Variants in TTLL6 observed in about 807,000 individuals in gnomAD.
TTLL6 encodes tubulin polyglutamylase TTLL6.
In TTLL6, 75 loss-of-function variants were observed where a neutral mutation model predicts 96.4. The observed-to-expected ratio is 0.78, with a 90% CI of 0.65 to 0.94. The LOEUF (loss-of-function observed/expected upper bound fraction) is 0.94, where lower values mean the gene tolerates loss of function less well. Among genes scored for constraint, TTLL6 ranks in the 40% least tolerant of loss-of-function variants. The pLI is 0.00. For missense variants in TTLL6, 1,030 were observed against 1,093.0 expected (o/e 0.94, Z 0.81); for synonymous variants, 411 against 419.4 (o/e 0.98, Z 0.24).
At position 48,785,036 on chromosome 17, in the gene TTLL6, G is replaced by GT; in HGVS notation, c.1926dup (p.Pro643ThrfsTer17). The GT allele has an allele frequency of 6.2e-7, 1 of 1,614,136 alleles. No homozygotes were observed. The highest frequency in any genetic ancestry group is 1.7e-5 in the Admixed American group (1 of 60,010). ...CTGAGATTGATATTCCTCAGATCGG[G>GT]TAGAGAACTGAAGGGCTTCGCAGAC... is the stretch of plus-strand genomic sequence containing the variant. On this transcript the variant is annotated frameshift_variant, in exon 13 of 16. Coordinates refer to ENST00000393382, the MANE Select transcript of TTLL6 (RefSeq NM_001130918.3). LOFTEE classifies it high-confidence loss of function.
At position 48,796,374 on chromosome 17, in the gene TTLL6, C is replaced by A. The variant is rs575022570; in HGVS notation, c.913-228G>T. On this transcript the variant is annotated intron_variant, in intron 7 of 15. Transcript: ENST00000393382. ...TGGTGGCTCATGCCTGTAATCCCAG[C>A]ACTCTGGGAGGCTGAGGCAGGCAGA... 2.0e-4 allele frequency among the ~76,000 whole-genome samples: 31 copies of A among 152,330 alleles called. No homozygotes were observed. In the South Asian group the frequency reaches 5.6e-3, roughly 27 times the overall value.
chr17:48,774,108 A>AAAC lies in TTLL6; in HGVS notation c.2041-4012_2041-4011insGTT, dbSNP rs1567716995. On this transcript the variant is annotated intron_variant, in intron 13 of 15. Coordinates refer to ENST00000393382, the MANE Select transcript of TTLL6 (RefSeq NM_001130918.3). ...AAAAAAAACAAAACAAAAAAAAAAA[A>AAAC]AAAACAAGAAAAGTAAAATAAATCC... Among the ~76,000 whole-genome samples, 43 of 130,492 alleles carry AAAC rather than the reference A, an allele frequency of 3.3e-4. 2 individuals are homozygous for AAAC. The highest frequency in any genetic ancestry group is 1.1e-3 in the South Asian group (5 of 4,362). 85.6% of individuals were successfully genotyped at this position (130,492 alleles called of 152,430 possible).
intron 1 of TTLL6, chr17:48,815,870 C>G (rs1290651148): frequency 6.6e-6 from 1 of 152,144 alleles, no homozygotes; most frequent in African/African-American, 2.4e-5. Flanking sequence ...TTGGAAGATG[C>G]AATATTCAGA....
At chr17:48,813,342 G>GC (rs35841191) in intron 1 of TTLL6, among the ~76,000 whole-genome samples, 95,806 of 151,854 alleles carry the variant, frequency 0.63, 30,545 homozygotes, top group East Asian at 0.92. Flanking sequence ...GAGCACTTGA[G>GC]CCAGGGGTTT....
chr17:48,799,970 C>T, intron 5 of TTLL6: 1 of 561,568 alleles, frequency 1.8e-6, no homozygotes, highest in Non-Finnish European at 3.2e-6. Context: ...GGGTTGAAGC[C>T]CAAGCAACAC....
Position 48,817,036 on chromosome 17 carries a change from G to A in TTLL6, c.37C>T (p.Pro13Ser), listed in dbSNP as rs776050845. The A allele has an allele frequency of 5.8e-6, 9 of 1,544,048 alleles. No individual in the cohort carries two copies. In the South Asian group the frequency reaches 7.2e-5, roughly 12 times the overall value. ...GTCCAGCTTGCAACCACACCTGCCG[G>A]CCCCCTCCTCGAAGGATGAAGGAGT... Reference protein sequence around the residue: ...ALLLHPSRRGPAGVVASWTSS... With the variant: ...ALLLHPSRRGSAGVVASWTSS... Residue 13 changes from proline (P) to serine (S), a missense_variant, in exon 1 of 16, where the codon CCG (proline) becomes TCG (serine). Physicochemically the swap from Pro to Ser is moderately conservative, Grantham distance 74. Transcript: ENST00000393382.
intron 8 of TTLL6, chr17:48,794,318 T>G (rs1481658351): frequency 6.2e-7 from 1 of 1,607,500 alleles, no homozygotes; most frequent in Non-Finnish European, 8.5e-7. Flanking sequence ...TTCTGTGCCC[T>G]TAGACTAAGG....
intron 13 of TTLL6, among the ~76,000 whole-genome samples, chr17:48,776,003 C>T (rs913146738): frequency 1.3e-4 from 20 of 152,110 alleles, no homozygotes; most frequent in African/African-American, 3.1e-4. Flanking sequence ...CAAAGATGTT[C>T]GCTGTTTCCA....
chr17:48,769,807 G>A lies in TTLL6; in HGVS notation c.2331C>T (p.Leu777=). The A allele has an allele frequency of 6.2e-7, 1 of 1,614,266 alleles. No homozygotes were observed. Among genetic ancestry groups the A allele is most frequent in the Non-Finnish European group, 8.5e-7 (1 of 1,180,052 alleles). ...MNKPHLISEL[L]TKLQLSGKLS... ...GCTTCCCACTCAGTTGAAGCTTGGT[G>A]AGTAGCTCGGATATCAAATGTGGCT... Residue 777 remains leucine, a synonymous_variant, in exon 14 of 16, where the codon CTC becomes CTT. Transcript: ENST00000393382.
At chr17:48,778,855 G>A (rs545679899) in intron 13 of TTLL6, among the ~76,000 whole-genome samples, 32 of 151,558 alleles carry the variant, frequency 2.1e-4, no homozygotes, top group Admixed American at 9.9e-4. Context: ...GCTTGAACCC[G>A]GGAGGTAGAG....
chr17:48,763,214 T>C (rs2038524214), intron 15 of TTLL6, among the ~76,000 whole-genome samples: 1 of 152,106 alleles, frequency 6.6e-6, no homozygotes, highest in Non-Finnish European at 1.5e-5. Context: ...GGAGAGAATG[T>C]TATAGTGGTT....
chr17:48,786,408 A>T lies in TTLL6; in HGVS notation c.1590-73T>A. ...CGCAGGCAGGCATTCTCCTTGAGGG[A>T]TGGACATGACTGGGCGAAAAGTTAG... On this transcript the variant is annotated intron_variant, in intron 11 of 15. Transcript: ENST00000393382. 7 of 1,594,018 alleles carry T rather than the reference A, an allele frequency of 4.4e-6. No individual in the cohort carries two copies. The South Asian group carries it at 7.8e-5, about 18-fold the overall frequency.
At chr17:48,801,919 G>A (rs918533642) in intron 3 of TTLL6, among the ~76,000 whole-genome samples, 16 of 151,664 alleles carry the variant, frequency 1.1e-4, no homozygotes, top group African/African-American at 3.6e-4. Flanking sequence ...GGTGGGGTGC[G>A]CCTGTAATCC....
chr17:48,794,205 T>C, intron 8 of TTLL6: 1 of 1,613,992 alleles, frequency 6.2e-7, no homozygotes, highest in Non-Finnish European at 8.5e-7. Flanking sequence ...CAACCTCACC[T>C]TAGTTCTGCT....
At position 48,797,170 on chromosome 17, in the gene TTLL6, C is replaced by T. The variant is rs200505079; in HGVS notation, c.803G>A (p.Arg268Gln). The T allele has an allele frequency of 4.5e-4, 698 of 1,551,392 alleles. No homozygotes were observed. Among genetic ancestry groups the T allele is most frequent in the African/African-American group, 3.0e-3 (222 of 73,070 alleles). Reference protein sequence around the residue: ...FIIDGFKFDLRIYVLVTSCDP... With the variant: ...FIIDGFKFDLQIYVLVTSCDP... ...ACAGGATGTCACCAGTACATAAATCCGTAGGTCAAACTTAAACCCATCAAT... is the reference window on the plus strand; with the variant it reads ...ACAGGATGTCACCAGTACATAAATCTGTAGGTCAAACTTAAACCCATCAAT... Residue 268 changes from arginine to glutamine, a missense_variant, in exon 7 of 16, where the codon CGG (arginine) becomes CAG (glutamine). Arg to Gln is a conservative substitution (Grantham distance 43, BLOSUM62 1). Coordinates refer to ENST00000393382, the MANE Select transcript of TTLL6 (RefSeq NM_001130918.3).
At chr17:48,769,579 C>CT (rs2038688768) in intron 14 of TTLL6, 149 bp downstream of exon 14, 1 of 971,602 alleles carries the variant, frequency 1.0e-6, no homozygotes, top group Non-Finnish European at 1.5e-6. Flanking sequence ...ATGGTATGGA[C>CT]TGTGTCTCCA....
At chr17:48,810,979 C>CA (rs2143492651) in intron 1 of TTLL6, among the ~76,000 whole-genome samples, 1 of 149,568 alleles carries the variant, frequency 6.7e-6, no homozygotes, top group East Asian at 2.0e-4. Context: ...CTCCTGTAGA[C>CA]ATTTCCCAGT....
chr17:48,772,172 G>A (rs978508054), intron 13 of TTLL6, among the ~76,000 whole-genome samples: 4 of 151,756 alleles, frequency 2.6e-5, no homozygotes, highest in Non-Finnish European at 5.9e-5. Flanking sequence ...ATCCACACTC[G>A]AGAGAAAAAA....
chr17:48,803,363 G>A (rs973123528), intron 3 of TTLL6, among the ~76,000 whole-genome samples: 15 of 151,816 alleles, frequency 9.9e-5, no homozygotes, highest in African/African-American at 3.4e-4. Context: ...GGGCATGGTG[G>A]CACTTGCCTG....
Sources: allele counts gnomAD v4.1 joint callset (sites outside exome capture counted in the v4.1 genomes callset), GRCh38; gene constraint gnomAD v4.1.1; transcripts MANE v1.5; gene names NCBI Gene and HGNC (gene_info 2026-07-23, HGNC 2026-07-21).